BNC2: variants seen among roughly 807,000 people sequenced by gnomAD.
BNC2 encodes the protein basonuclin zinc finger protein 2.
In BNC2, 20 loss-of-function variants were observed where a neutral mutation model predicts 76.3. That is an observed-to-expected ratio of 0.26 (90% CI 0.18 to 0.38). The LOEUF (loss-of-function observed/expected upper bound fraction) is 0.38, where lower values mean the gene tolerates loss of function less well. Among genes scored for constraint, BNC2 ranks in the 10% least tolerant of loss-of-function variants. The pLI, the probability that BNC2 is intolerant of heterozygous loss-of-function variation, is 1.00. For missense variants in BNC2, 1,382 were observed against 1,399.8 expected (o/e 0.99, Z 0.20); for synonymous variants, 582 against 514.8 (o/e 1.13, Z -1.77).
At chr9:16,659,093 A>G (rs1004502020) in intron 3 of BNC2, among the ~76,000 whole-genome samples, 6 of 151,770 alleles carry the variant, frequency 4.0e-5, no homozygotes, top group African/African-American at 1.4e-4. Context: ...ATATTTGCTG[A>G]ATGGCTGAAT....
intron 1 of BNC2, among the ~76,000 whole-genome samples, chr9:16,752,516 A>C (rs547569448): frequency 1.3e-5 from 2 of 152,348 alleles, no homozygotes; most frequent in African/African-American, 4.8e-5. Flanking sequence ...TTAGTAGTTT[A>C]ATCTTAGAAG....
chr9:16,779,176 C>G (rs192986360), intron 1 of BNC2, among the ~76,000 whole-genome samples: 1 of 146,422 alleles, frequency 6.8e-6, no homozygotes, highest in South Asian at 2.2e-4. Context: ...TGGTGGCGTG[C>G]ACCTGTAATT....
intron 3 of BNC2, among the ~76,000 whole-genome samples, chr9:16,628,554 CA>C (rs1821065510): frequency 6.6e-6 from 1 of 152,010 alleles, no homozygotes; most frequent in Non-Finnish European, 1.5e-5. Flanking sequence ...AGGTGGGAAA[CA>C]GGGGGAGGAA....
At chr9:16,452,895 T>A (rs1204392476) in intron 5 of BNC2, among the ~76,000 whole-genome samples, 1 of 152,204 alleles carries the variant, frequency 6.6e-6, no homozygotes, top group African/African-American at 2.4e-5. Flanking sequence ...ACTCTAAGGA[T>A]GTCTTTAGGG....
chr9:16,747,613 A>G (rs527567378), intron 1 of BNC2, among the ~76,000 whole-genome samples: 2 of 152,346 alleles, frequency 1.3e-5, no homozygotes, highest in African/African-American at 4.8e-5. Context: ...CTGGGAATTC[A>G]AGACCAAGTT....
chr9:16,637,217 A>C (rs1821354950), intron 3 of BNC2, among the ~76,000 whole-genome samples: 1 of 152,184 alleles, frequency 6.6e-6, no homozygotes, highest in Non-Finnish European at 1.5e-5. Context: ...ATGAGCTCTT[A>C]CAGGAAATCA....
At chr9:16,660,309 C>A (rs1304226436) in intron 3 of BNC2, among the ~76,000 whole-genome samples, 1 of 152,128 alleles carries the variant, frequency 6.6e-6, no homozygotes. Context: ...ACAAAATTAA[C>A]CAGGCGTGGT....
intron 1 of BNC2, among the ~76,000 whole-genome samples, chr9:16,776,025 A>G (rs1486703744): frequency 1.3e-5 from 2 of 152,192 alleles, no homozygotes; most frequent in East Asian, 3.9e-4. Context: ...TGGAACCCCG[A>G]CCAGGTCAGG....
intron 1 of BNC2, among the ~76,000 whole-genome samples, chr9:16,809,324 A>C (rs1391853002): frequency 6.6e-6 from 1 of 152,086 alleles, no homozygotes; most frequent in Non-Finnish European, 1.5e-5. Context: ...TAGGGCTAGG[A>C]GAGATTTGAA....
intron 5 of BNC2, among the ~76,000 whole-genome samples, chr9:16,501,100 G>C (rs1433531978): frequency 1.4e-5 from 2 of 141,388 alleles, no homozygotes; most frequent in African/African-American, 5.5e-5. Context: ...GTAAAATAAA[G>C]TTAGTAATCA....
chr9:16,501,118 T>TTC (rs1300010323), intron 5 of BNC2, among the ~76,000 whole-genome samples: 1 of 100,398 alleles, frequency 1.0e-5, no homozygotes, highest in African/African-American at 5.0e-5. Flanking sequence ...TCATACTTAC[T>TTC]ACAGAGTTGG....
At chr9:16,520,936 T>C (rs920034474) in intron 5 of BNC2, among the ~76,000 whole-genome samples, 7 of 152,214 alleles carry the variant, frequency 4.6e-5, no homozygotes, top group Non-Finnish European at 1.0e-4. Flanking sequence ...AATGACTGAC[T>C]TGGGTCTTTC....
intron 1 of BNC2, among the ~76,000 whole-genome samples, chr9:16,756,947 C>T (rs1421844466): frequency 6.7e-6 from 1 of 148,900 alleles, no homozygotes; most frequent in African/African-American, 2.5e-5. Context: ...GCCAAGATCA[C>T]ACCAATGCAC....
chr9:16,718,271 C>G, intron 3 of BNC2, among the ~76,000 whole-genome samples: 1 of 152,152 alleles, frequency 6.6e-6, no homozygotes, highest in Non-Finnish European at 1.5e-5. Context: ...TCCGGCTGCC[C>G]GGCTGGCTAC....
At chr9:16,547,983 T>C (rs938391613) in intron 5 of BNC2, among the ~76,000 whole-genome samples, 7 of 152,142 alleles carry the variant, frequency 4.6e-5, no homozygotes, top group African/African-American at 1.7e-4. Flanking sequence ...GCCCCATTCG[T>C]CTTTGAGAAA....
rs147286013 is a variant in BNC2 at position 16,419,040 on chromosome 9, G to C, written c.3249C>G (p.His1083Gln). The change falls in exon 7 of 7, where the codon CAC becomes CAG. Residue 1083 changes from histidine (H) to glutamine (Q), a missense_variant. His to Gln is a conservative substitution (Grantham distance 24, BLOSUM62 0). Around this residue, in one of 3 missense-constraint regions of BNC2, gnomAD observed 798 missense variants for 775.5 expected, o/e 1.03. Coordinates refer to ENST00000380672, the MANE Select transcript of BNC2 (RefSeq NM_017637.6). ...MFSSVRSRNR[H>Q]SQNPNLHKNI... Reference sequence around the variant, plus strand: ...TTTTGTGGAGATTAGGGTTCTGACTGTGCCGATTTCGGCTTCGTACAGAGG... The same window carrying C: ...TTTTGTGGAGATTAGGGTTCTGACTCTGCCGATTTCGGCTTCGTACAGAGG... 6.2e-7 allele frequency: 1 copy of C among 1,614,168 alleles called. No individual in the cohort carries two copies. The highest frequency in any genetic ancestry group is 2.2e-5 in the East Asian group (1 of 44,836).
chr9:16,542,766 T>C (rs1331774173), intron 5 of BNC2, among the ~76,000 whole-genome samples: 1 of 152,206 alleles, frequency 6.6e-6, no homozygotes, highest in Non-Finnish European at 1.5e-5. Context: ...CATACAGGTA[T>C]CATGAAGAAA....
rs1004349871 is a variant in BNC2 at position 16,590,856 on chromosome 9, T to C, written c.331-7771A>G. ...TATCCTAGTGGACGAAAATCTGGAA[T>C]AGCAAATTATCTGTAATGAATCTGA... is the stretch of plus-strand genomic sequence containing the variant. On this transcript the variant is annotated intron_variant, in intron 3 of 6. Coordinates refer to ENST00000380672, the MANE Select transcript of BNC2 (RefSeq NM_017637.6). Among the ~76,000 whole-genome samples, 3 of 152,118 alleles carry C rather than the reference T, an allele frequency of 2.0e-5. No individual in the cohort carries two copies. The East Asian group carries it at 5.8e-4, about 30-fold the overall frequency.
intron 5 of BNC2, among the ~76,000 whole-genome samples, chr9:16,502,086 G>T (rs1822530743): frequency 6.6e-6 from 1 of 152,112 alleles, no homozygotes; most frequent in Admixed American, 6.5e-5. Context: ...AAGGAGTGGG[G>T]GTCTAGTGGT....
Sources: gnomAD v4.1 joint callset for allele counts (sites outside exome capture counted in the v4.1 genomes callset) on GRCh38, gnomAD v4.1.1 for gene constraint, gnomAD v4.1.1 regional missense constraint, MANE v1.5 for transcripts, NCBI Gene and HGNC (gene_info 2026-07-23, HGNC 2026-07-21) for gene names.